Variants in MAP3K4 observed in about 807,000 individuals in gnomAD.
MAP3K4 encodes the protein MAP three kinase 1.
MAP3K4 carries 67 observed loss-of-function variants against 185.6 expected under a neutral mutation model. The observed-to-expected ratio is 0.36, with a 90% CI of 0.30 to 0.44. MAP3K4 has a LOEUF of 0.44. Among genes scored for constraint, MAP3K4 ranks in the 20% least tolerant of loss-of-function variants. The probability of loss-of-function intolerance (pLI) is 1.00; values close to 1 mark genes in which losing one functional copy is unlikely to be tolerated. For synonymous variants in MAP3K4, 702 were observed against 710.4 expected, an observed-to-expected ratio of 0.99 and a Z score of 0.19; for missense variants, 1,551 against 1,995.1, an observed-to-expected ratio of 0.78 and a Z score of 4.24.
rs1339839020 is a variant in MAP3K4, at chr6:161,112,059, C to G, written c.4519+101C>G. ...TTGTTTGTCAGTAGAGATGGGAGAGCAGGTAAAGGTTTTCAGTCGTGAGAA... is the reference window on the plus strand; with the variant it reads ...TTGTTTGTCAGTAGAGATGGGAGAGGAGGTAAAGGTTTTCAGTCGTGAGAA... On this transcript the variant is annotated intron_variant, in intron 24 of 26. Transcript: ENST00000392142. This position sits in a 1 kb window ranked among gnomAD's most constrained non-coding sequence, Gnocchi z 5.1. The G allele has an allele frequency of 6.8e-7, 1 of 1,472,270 alleles. No individual in the cohort carries two copies. The highest frequency in any genetic ancestry group is 9.1e-7 in the Non-Finnish European group (1 of 1,093,584). The allele number at this position is 1,472,270 out of a possible 1,614,324, so 91.2% of individuals were successfully genotyped here.
chr6:161,062,655 C>CT (rs2114795254), intron 3 of MAP3K4, among the ~76,000 whole-genome samples: 1 of 152,186 alleles, frequency 6.6e-6, no homozygotes, highest in South Asian at 2.1e-4. Flanking sequence ...ATTTTCTTTC[C>CT]TTGGATAAAT....
Position 161,075,848 on chromosome 6 carries a change from G to A in MAP3K4, c.2097+2236G>A, listed in dbSNP as rs1177343532. Among the ~76,000 whole-genome samples the A allele has an allele frequency of 6.6e-6, 1 of 152,202 alleles. No individual in the cohort carries two copies. The highest frequency in any genetic ancestry group is 1.5e-5 in the Non-Finnish European group (1 of 68,036). On this transcript the variant is annotated intron_variant, in intron 5 of 26. Transcript: ENST00000392142. The surrounding 1 kb of genome is among the most constrained non-coding windows in gnomAD (Gnocchi z 4.3). ...GATGAAAAAACTAGAGACTGTCAGT[G>A]TTTTAAAATTATGGCCTATAATGTG... is the stretch of plus-strand genomic sequence containing the variant.
intron 3 of MAP3K4, among the ~76,000 whole-genome samples, chr6:161,052,264 A>G (rs1784039561): frequency 6.6e-6 from 1 of 152,026 alleles, no homozygotes; most frequent in Non-Finnish European, 1.5e-5. Flanking sequence ...TATAGCAAGA[A>G]AAGATTGAGA....
rs958055800 is a variant in MAP3K4 at position 161,087,987 on chromosome 6, A to T, written c.2823+33A>T. 1.3e-6 allele frequency: 2 copies of T among 1,580,744 alleles called. No homozygotes were observed. Among genetic ancestry groups the T allele is most frequent in the Non-Finnish European group, 1.7e-6 (2 of 1,167,760 alleles). Reference sequence around the variant, plus strand: ...TCATCTCCATCTTTGCAGCAGTGTTACTTCAAGGACTTTTAGTAAGAATGA... The same window carrying T: ...TCATCTCCATCTTTGCAGCAGTGTTTCTTCAAGGACTTTTAGTAAGAATGA... On this transcript the variant is annotated intron_variant, in intron 10 of 26. Coordinates refer to ENST00000392142, the MANE Select transcript of MAP3K4 (RefSeq NM_005922.4). The surrounding 1 kb of genome is among the most constrained non-coding windows in gnomAD (Gnocchi z 4.9).
chr6:161,034,566 A>C lies in MAP3K4; in HGVS notation c.343+117A>C. The C allele has an allele frequency of 1.3e-6, 1 of 762,934 alleles. No individual in the cohort carries two copies. The highest frequency in any genetic ancestry group is 1.8e-6 in the Non-Finnish European group (1 of 547,248). 47.3% of individuals were successfully genotyped at this position (762,934 alleles called of 1,614,324 possible). On this transcript the variant is annotated intron_variant, in intron 2 of 26. Transcript: ENST00000392142. The surrounding 1 kb of genome is among the most constrained non-coding windows in gnomAD (Gnocchi z 4.4). Reference sequence around the variant, plus strand: ...TAATTTGATTTTAATGCTCCTGTAAAGTTCAATTTTTTTTTGAATTATTAC... The same window carrying C: ...TAATTTGATTTTAATGCTCCTGTAACGTTCAATTTTTTTTTGAATTATTAC...
At chr6:161,023,240 A>G (rs940792235) in intron 1 of MAP3K4, among the ~76,000 whole-genome samples, 21 of 152,182 alleles carry the variant, frequency 1.4e-4, no homozygotes, top group African/African-American at 4.8e-4. Context: ...CTATTTTAGA[A>G]GGAAACTTTA....
rs976420872 is a variant in MAP3K4 at position 161,076,858 on chromosome 6, C to T, written c.2097+3246C>T. On this transcript the variant is annotated intron_variant, in intron 5 of 26. Coordinates refer to ENST00000392142, the MANE Select transcript of MAP3K4 (RefSeq NM_005922.4). The surrounding 1 kb of genome is among the most constrained non-coding windows in gnomAD (Gnocchi z 4.2). ...CATGCGGGGACCAAGGAACTAGTGC[C>T]GAGCGTAAACTCCCTCTTAGAGTTT... is the stretch of plus-strand genomic sequence containing the variant. Among the ~76,000 whole-genome samples, 2 of 152,070 alleles carry T rather than the reference C, an allele frequency of 1.3e-5. No individual in the cohort carries two copies. The highest frequency in any genetic ancestry group is 1.5e-5 in the Non-Finnish European group (1 of 68,024).
Position 161,091,991 on chromosome 6 carries a change from A to G in MAP3K4, c.3136-19A>G, listed in dbSNP as rs1283426749. On this transcript the variant is annotated intron_variant, in intron 12 of 26. Transcript: ENST00000392142. This position sits in a 1 kb window ranked among gnomAD's most constrained non-coding sequence, Gnocchi z 5.5. ...ATGATCATTTCCTTAATGTTGATAT[A>G]CATGAAATCTTCTTACAGTATCATA... The G allele has an allele frequency of 6.3e-7, 1 of 1,596,406 alleles. No homozygotes were observed. The highest frequency in any genetic ancestry group is 8.6e-7 in the Non-Finnish European group (1 of 1,164,192).
chr6:161,097,309 ACTTGCATTAT>A lies in MAP3K4; in HGVS notation c.3524+138_3524+147del. The A allele has an allele frequency of 1.5e-6, 1 of 662,132 alleles. No individual in the cohort carries two copies. Among genetic ancestry groups the A allele is most frequent in the South Asian group, 2.6e-5 (1 of 38,290 alleles). 41.0% of individuals were successfully genotyped at this position (662,132 alleles called of 1,614,324 possible). On this transcript the variant is annotated intron_variant, in intron 16 of 26. Transcript: ENST00000392142. This position sits in a 1 kb window ranked among gnomAD's most constrained non-coding sequence, Gnocchi z 4.9. Reference sequence around the variant, plus strand: ...GCATTGTTCGTACGTAAAAGCTCTTACTTGCATTATCTTGAAACCTTTAGTCGCAAAAGAA... The same window carrying A: ...GCATTGTTCGTACGTAAAAGCTCTTACTTGAAACCTTTAGTCGCAAAAGAA...
chr6:161,087,931 G>T lies in MAP3K4; in HGVS notation c.2800G>T (p.Val934Phe), dbSNP rs1562530919. The T allele has an allele frequency of 6.2e-7, 1 of 1,613,562 alleles. No individual in the cohort carries two copies. The highest frequency in any genetic ancestry group is 1.7e-5 in the Admixed American group (1 of 59,872). Reference sequence around the variant, plus strand: ...CAAAGTCGTGCCTCAGGTGGAGACTGTTGACACCCTGAGAAGCATGCAGGT... The same window carrying T: ...CAAAGTCGTGCCTCAGGTGGAGACTTTTGACACCCTGAGAAGCATGCAGGT... Reference protein sequence around the residue: ...PVKVVPQVETVDTLRSMQVDN... With the variant: ...PVKVVPQVETFDTLRSMQVDN... The change falls in exon 10 of 27, where the codon GTT becomes TTT. Residue 934 changes from valine to phenylalanine, a missense_variant. By Grantham distance (50) the Val-to-Phe change is conservative. Transcript: ENST00000392142. The surrounding 1 kb of genome is among the most constrained non-coding windows in gnomAD (Gnocchi z 4.9).
intron 1 of MAP3K4, among the ~76,000 whole-genome samples, chr6:161,032,684 C>G (rs964624624): frequency 6.6e-6 from 1 of 152,152 alleles, no homozygotes; most frequent in Non-Finnish European, 1.5e-5. Context: ...GTCAAATCAA[C>G]TATTACACAG....
At position 160,992,102 on chromosome 6, in the gene MAP3K4, G is replaced by C. The variant is rs1780740776; in HGVS notation, c.152+19G>C. ...CGGCGAGGTGAGTGTGGCGGCCGCA[G>C]TCGGTCGCTCGCAGAAAGCGGGGCG... On this transcript the variant is annotated intron_variant, in intron 1 of 26. Coordinates refer to ENST00000392142, the MANE Select transcript of MAP3K4 (RefSeq NM_005922.4). 4 of 1,536,712 alleles carry C rather than the reference G, an allele frequency of 2.6e-6. No homozygotes were observed. Among genetic ancestry groups the C allele is most frequent in the African/African-American group, 2.9e-5 (2 of 69,790 alleles).
rs1784908732 is a variant in MAP3K4 at position 161,070,880 on chromosome 6, A to G, written c.1950+30A>G. The G allele has an allele frequency of 1.9e-6, 3 of 1,555,786 alleles. No homozygotes were observed. Among genetic ancestry groups the G allele is most frequent in the African/African-American group, 2.8e-5 (2 of 72,648 alleles). On this transcript the variant is annotated intron_variant, in intron 4 of 26. Transcript: ENST00000392142. The surrounding 1 kb of genome is among the most constrained non-coding windows in gnomAD (Gnocchi z 4.5). ...GCTTCAAAGACTCTTTAAAATATTT[A>G]GCAATTATTATATTATCCTACAGGC... is the stretch of plus-strand genomic sequence containing the variant.
intron 2 of MAP3K4, among the ~76,000 whole-genome samples, chr6:161,046,728 G>A (rs1335138948): frequency 6.6e-6 from 1 of 150,876 alleles, no homozygotes; most frequent in South Asian, 2.1e-4. Context: ...AAGTAAATTG[G>A]TTTTAAGCAA....
chr6:161,060,833 C>G (rs1429749869), intron 3 of MAP3K4, among the ~76,000 whole-genome samples: 1 of 151,964 alleles, frequency 6.6e-6, no homozygotes, highest in Non-Finnish European at 1.5e-5. Context: ...GTTGGCCAGC[C>G]CGGTCTCAAA....
chr6:161,032,373 C>T (rs1160079809), intron 1 of MAP3K4, among the ~76,000 whole-genome samples: 1 of 152,152 alleles, frequency 6.6e-6, no homozygotes, highest in Non-Finnish European at 1.5e-5. Flanking sequence ...TGGTATCAAG[C>T]ATTTAGTGAA....
rs535752152 is a variant in MAP3K4, at chr6:161,085,141, G to A, written c.2372+524G>A. ...AGCCTGGGTGACAGAGCAAGACTCC[G>A]TCTCAAAAAAAAAAAAAACTAAAGA... On this transcript the variant is annotated intron_variant, in intron 7 of 26. Transcript: ENST00000392142. Among the ~76,000 whole-genome samples, 201 of 65,872 alleles carry A rather than the reference G, an allele frequency of 3.1e-3. 2 individuals carry two copies. Among genetic ancestry groups the A allele is most frequent in the African/African-American group, 0.01 (190 of 18,758 alleles). 43.2% of individuals were successfully genotyped at this position (65,872 alleles called of 152,430 possible). A position where few individuals can be genotyped will look rare whatever the true frequency, so the allele number is the denominator to read the frequency against.
In MAP3K4 at chr6:160,996,465, T is replaced by C. The variant is rs1465390819; in HGVS notation, c.152+4382T>C. 6.6e-6 allele frequency among the ~76,000 whole-genome samples: 1 copy of C among 152,218 alleles called. No homozygotes were observed. The highest frequency in any genetic ancestry group is 1.5e-5 in the Non-Finnish European group (1 of 68,034). ...GGTCTTGCCTGCTCACTGGATACAT[T>C]TGTTGTAATAACTTCCTGTTATTTA... On this transcript the variant is annotated intron_variant, in intron 1 of 26. Transcript: ENST00000392142. This position sits in a 1 kb window ranked among gnomAD's most constrained non-coding sequence, Gnocchi z 4.5.
rs909200792 is a variant in MAP3K4, at chr6:161,017,699, A to G, written c.153-16560A>G. ...TTTTGCCTTTTTATGTAAAGTAAAC[A>G]TAAACATATACATATTTTTGAACAA... On this transcript the variant is annotated intron_variant, in intron 1 of 26. Coordinates refer to ENST00000392142, the MANE Select transcript of MAP3K4 (RefSeq NM_005922.4). This position sits in a 1 kb window ranked among gnomAD's most constrained non-coding sequence, Gnocchi z 5.1. Among the ~76,000 whole-genome samples, 3 of 152,192 alleles carry G rather than the reference A, an allele frequency of 2.0e-5. No homozygotes were observed. The highest frequency in any genetic ancestry group is 4.4e-5 in the Non-Finnish European group (3 of 68,030).
Sources: allele counts gnomAD v4.1 joint callset (sites outside exome capture counted in the v4.1 genomes callset), GRCh38; gene constraint gnomAD v4.1.1; non-coding constraint Gnocchi (gnomAD v3.1); transcripts MANE v1.5; gene names NCBI Gene and HGNC (gene_info 2026-07-23, HGNC 2026-07-21).